Variants in TLL1 observed in about 807,000 individuals in gnomAD.
The protein encoded by TLL1 is tolloid-like protein 1.
Under a neutral mutation model 128.2 loss-of-function variants are expected in TLL1, and 49 were observed. The ratio of observed to expected loss-of-function variants is 0.38; its 90% CI spans 0.30 to 0.48. The LOEUF is 0.48. Among genes scored for constraint, TLL1 ranks in the 20% least tolerant of loss-of-function variants. The pLI is 0.96. For synonymous variants in TLL1, 454 were observed against 418.8 expected, an observed-to-expected ratio of 1.08 and a Z score of -1.03; for missense variants, 1,123 against 1,242.0, an observed-to-expected ratio of 0.90 and a Z score of 1.44.
intron 1 of TLL1, among the ~76,000 whole-genome samples, chr4:165,976,890 T>A (rs764823554): frequency 6.6e-6 from 1 of 152,212 alleles, no homozygotes; most frequent in Non-Finnish European, 1.5e-5. Context: ...GTATACTTTT[T>A]AAAAACATTA....
chr4:166,019,196 C>T (rs367659460), intron 8 of TLL1, among the ~76,000 whole-genome samples: 96 of 152,268 alleles, frequency 6.3e-4, no homozygotes, highest in African/African-American at 2.2e-3. Flanking sequence ...AATCAACTAA[C>T]ACAGGCATAG....
At chr4:165,960,292 A>G (rs1735032587) in intron 1 of TLL1, among the ~76,000 whole-genome samples, 1 of 152,136 alleles carries the variant, frequency 6.6e-6, no homozygotes, top group East Asian at 1.9e-4. Flanking sequence ...ACAGACCAAT[A>G]ATGAATTGTG....
chr4:166,039,774 TA>T (rs909543234), intron 10 of TLL1, among the ~76,000 whole-genome samples: 31 of 152,112 alleles, frequency 2.0e-4, no homozygotes, highest in African/African-American at 6.5e-4. Flanking sequence ...AGTTTTTGAT[TA>T]AAAAAAACTA....
At chr4:166,017,476 A>C (rs185434893) in intron 8 of TLL1, among the ~76,000 whole-genome samples, 65 of 152,122 alleles carry the variant, frequency 4.3e-4, no homozygotes, top group Admixed American at 2.9e-3. Context: ...GCAGGGTTGA[A>C]TTGTTGTTGT....
In TLL1 at chr4:165,931,309, C is replaced by T. The variant is rs185425290; in HGVS notation, c.169+57236C>T. 3.2e-3 allele frequency among the ~76,000 whole-genome samples: 483 copies of T among 152,216 alleles called. 1 individual carries two copies. Among genetic ancestry groups the T allele is most frequent in the African/African-American group, 0.011 (462 of 41,522 alleles). ...GAATTTGATAGTTTTCAGTTCTGAG[C>T]TTAATTTAATTTTCTCAAGCTTCTT... On this transcript the variant is annotated intron_variant, in intron 1 of 20. Transcript: ENST00000061240.
intron 8 of TLL1, among the ~76,000 whole-genome samples, chr4:166,021,894 G>A (rs1278834526): frequency 2.0e-5 from 3 of 152,086 alleles, no homozygotes; most frequent in African/African-American, 7.2e-5. Context: ...GCTGCATACT[G>A]AATGAGAAAA....
At chr4:166,090,187 A>G (rs1741695375) in intron 18 of TLL1, among the ~76,000 whole-genome samples, 1 of 76,410 alleles carries the variant, frequency 1.3e-5, no homozygotes, top group Non-Finnish European at 2.9e-5. Context: ...GCTTTATAAT[A>G]TTTTAGTTTT....
At chr4:166,037,872 CT>C (rs1487998556) in intron 9 of TLL1, among the ~76,000 whole-genome samples, 1 of 151,670 alleles carries the variant, frequency 6.6e-6, no homozygotes, top group East Asian at 1.9e-4. Flanking sequence ...AATTCCACCC[CT>C]ATTTTCTTAT....
intron 1 of TLL1, among the ~76,000 whole-genome samples, chr4:165,911,120 A>G (rs1320290114): frequency 6.6e-6 from 1 of 152,164 alleles, no homozygotes; most frequent in Non-Finnish European, 1.5e-5. Context: ...CTACTATCAA[A>G]CACTAGAACT....
At chr4:166,073,828 G>T (rs1740900696) in intron 16 of TLL1, among the ~76,000 whole-genome samples, 1 of 151,982 alleles carries the variant, frequency 6.6e-6, no homozygotes, top group Admixed American at 6.6e-5. Flanking sequence ...TAATTTCTAG[G>T]CCACCAAGAG....
intron 1 of TLL1, among the ~76,000 whole-genome samples, chr4:165,953,566 GAAA>G (rs35500206): frequency 1.3e-4 from 18 of 134,548 alleles, no homozygotes; most frequent in African/African-American, 3.6e-4. Context: ...TTTTCATTTA[GAAA>G]AAAAAAAAAA....
chr4:166,008,372 T>C (rs1433875929), intron 7 of TLL1, among the ~76,000 whole-genome samples: 6 of 151,468 alleles, frequency 4.0e-5, no homozygotes, highest in Non-Finnish European at 8.9e-5. Flanking sequence ...CCAATCAGCA[T>C]GTTAAATTGG....
At chr4:165,940,693 C>G (rs1357654573) in intron 1 of TLL1, among the ~76,000 whole-genome samples, 1 of 151,916 alleles carries the variant, frequency 6.6e-6, no homozygotes, top group Non-Finnish European at 1.5e-5. Context: ...AGATTTTTTC[C>G]TCCTAGATAT....
At chr4:166,004,550 T>C (rs1030088522) in intron 6 of TLL1, among the ~76,000 whole-genome samples, 2 of 151,986 alleles carry the variant, frequency 1.3e-5, no homozygotes, top group Admixed American at 1.3e-4. Context: ...GAAAATACCA[T>C]AGAGTCCAAG....
chr4:165,970,340 T>C (rs1579562420), intron 1 of TLL1, among the ~76,000 whole-genome samples: 1 of 152,308 alleles, frequency 6.6e-6, no homozygotes, highest in African/African-American at 2.4e-5. Flanking sequence ...AACATAAACA[T>C]TCACAGTGGT....
chr4:165,888,559 T>C (rs968073763), intron 1 of TLL1, among the ~76,000 whole-genome samples: 1 of 152,116 alleles, frequency 6.6e-6, no homozygotes, highest in African/African-American at 2.4e-5. Context: ...AAAATATTTT[T>C]TTTTTTTGCC....
chr4:165,934,878 G>C (rs1733695879), intron 1 of TLL1, among the ~76,000 whole-genome samples: 1 of 152,144 alleles, frequency 6.6e-6, no homozygotes, highest in African/African-American at 2.4e-5. Flanking sequence ...ATAGAAATTG[G>C]AGTAAAAATA....
chr4:165,899,149 G>A (rs1194382655), intron 1 of TLL1, among the ~76,000 whole-genome samples: 2 of 151,740 alleles, frequency 1.3e-5, no homozygotes, highest in East Asian at 1.9e-4. Flanking sequence ...TATCTATTTT[G>A]TTAATCTTTT....
intron 15 of TLL1, among the ~76,000 whole-genome samples, chr4:166,060,816 C>T (rs1000702127): frequency 2.0e-5 from 3 of 152,176 alleles, no homozygotes; most frequent in Non-Finnish European, 4.4e-5. Flanking sequence ...ACATCAAATT[C>T]AAGTGGAATG....
Sources: allele counts gnomAD v4.1 joint callset (sites outside exome capture counted in the v4.1 genomes callset), GRCh38; gene constraint gnomAD v4.1.1; transcripts MANE v1.5; gene names NCBI Gene and HGNC (gene_info 2026-07-23, HGNC 2026-07-21).